The following NBPF9 variants were observed in gnomAD, a reference collection of about 807,000 sequenced individuals.
NBPF9 encodes the protein NBPF member 9.
NBPF9 carries 91 observed loss-of-function variants against 97.8 expected under a neutral mutation model. That is an observed-to-expected ratio of 0.93 (90% CI 0.79 to 1.11). NBPF9 has a LOEUF of 1.11. NBPF9 is among the 50% of genes least tolerant of loss of function. NBPF9 has a pLI of 0.00. For missense variants in NBPF9, 992 were observed against 939.5 expected (o/e 1.06, Z -0.73); for synonymous variants, 334 against 359.5 (o/e 0.93, Z 0.80).
At chr1:149,089,758 A>G (rs1553659647) in intron 5 of NBPF9, among the ~76,000 whole-genome samples, 2 of 152,430 alleles carry the variant, frequency 1.3e-5, no homozygotes, top group East Asian at 3.8e-4. Flanking sequence ...GTTGTATTAT[A>G]AAGGGCTAGT....
chr1:149,083,106 C>A (rs1447422566), intron 5 of NBPF9, among the ~76,000 whole-genome samples: 2 of 151,638 alleles, frequency 1.3e-5, no homozygotes, highest in Admixed American at 1.3e-4. Flanking sequence ...CCGCGCCCGG[C>A]CGACTTCTCT....
At chr1:149,084,296 C>T (rs1219098726) in intron 5 of NBPF9, among the ~76,000 whole-genome samples, 16 of 145,534 alleles carry the variant, frequency 1.1e-4, no homozygotes, top group Admixed American at 1.4e-4. Context: ...CACATATATA[C>T]ATGTATACAC....
downstream of NBPF9, among the ~76,000 whole-genome samples, chr1:149,053,356 T>TC (rs2078016703): frequency 1.5e-5 from 1 of 67,514 alleles, no homozygotes; most frequent in Non-Finnish European, 3.1e-5. Context: ...ACCATGTATG[T>TC]CCCCCAAGGA....
At chr1:149,103,185 AC>A (rs2082264486) in intron 1 of NBPF9, 115 bp downstream of exon 1, 1 of 96,024 alleles carries the variant, frequency 1.0e-5, no homozygotes, top group East Asian at 4.1e-4. Context: ...CCAACCCCCC[AC>A]CCCGCCTCGC....
chr1:149,082,313 G>T, exon 6 of NBPF9: 1 of 1,550,166 alleles, frequency 6.5e-7, no homozygotes, highest in Non-Finnish European at 8.7e-7. Flanking sequence ...CAGCACTTTA[G>T]GATCCTTCAC....
In NBPF9 at chr1:149,059,496, G is replaced by T; in HGVS notation, c.2585+204C>A. The T allele has an allele frequency of 5.0e-6, 2 of 399,496 alleles. 1 individual carries two copies. The highest frequency in any genetic ancestry group is 7.6e-5 in the East Asian group (2 of 26,194). 24.7% of individuals were successfully genotyped at this position (399,496 alleles called of 1,614,324 possible). On this transcript the variant is annotated intron_variant, in intron 25 of 29. Coordinates refer to ENST00000584027, the Ensembl canonical transcript of NBPF9. The stretch of plus-strand genomic sequence containing the variant: ...ATGAAAGTACAGCTTTTGAAGTATG[G>T]TCAACCTATGGTACGTTAGGAAATG...
chr1:149,071,419 A>T (rs1438121928), intron 15 of NBPF9, among the ~76,000 whole-genome samples, 185 bp downstream of exon 15: 3 of 148,272 alleles, frequency 2.0e-5, no homozygotes, highest in African/African-American at 7.6e-5. Flanking sequence ...TGCAGACATG[A>T]CACTCGGCAC....
At chr1:149,089,201 C>A (rs1575870044) in intron 5 of NBPF9, among the ~76,000 whole-genome samples, 1 of 152,184 alleles carries the variant, frequency 6.6e-6, no homozygotes, top group East Asian at 1.9e-4. Flanking sequence ...GCCACAGGAC[C>A]TTTACACGCA....
chr1:149,060,095 G>T, intron 24 of NBPF9: 1 of 275,820 alleles, frequency 3.6e-6, no homozygotes, highest in Admixed American at 6.1e-5. Context: ...TCAATTTAAA[G>T]CAAATACCCT....
rs1342794153 is a variant in NBPF9, at chr1:149,096,029, T to C, written c.-337+2409A>G. Among the ~76,000 whole-genome samples, 4 of 152,060 alleles carry C rather than the reference T, an allele frequency of 2.6e-5. No homozygotes were observed. In the South Asian group the frequency reaches 6.2e-4, roughly 24 times the overall value. On this transcript the variant is annotated intron_variant, in intron 4 of 29. Coordinates refer to ENST00000584027, the Ensembl canonical transcript of NBPF9. The stretch of plus-strand genomic sequence containing the variant: ...ATACAATGAAATCTGATTCAGTGAT[T>C]TTACAAAACAAGCTGTCAAGTCATG...
chr1:149,100,810 C>T (rs1345043049), intron 3 of NBPF9, among the ~76,000 whole-genome samples: 2 of 151,738 alleles, frequency 1.3e-5, no homozygotes, highest in Non-Finnish European at 2.9e-5. Context: ...TGGCACACTC[C>T]TATAGTCGCA....
chr1:149,062,205 T>A, exon 22 of NBPF9: 2 of 1,045,576 alleles, frequency 1.9e-6, no homozygotes, highest in Non-Finnish European at 3.0e-6. Flanking sequence ...TCGAATACCA[T>A]CTACCCAGTG....
At chr1:149,088,509 T>C (rs1309149470) in intron 5 of NBPF9, among the ~76,000 whole-genome samples, 7 of 152,210 alleles carry the variant, frequency 4.6e-5, no homozygotes, top group Non-Finnish European at 7.3e-5. Flanking sequence ...TCTTATGCCA[T>C]TTAATATAAT....
In NBPF9 at chr1:149,081,732, T is replaced by C. The variant is rs1264411635; in HGVS notation, c.175+233A>G. Among the ~76,000 whole-genome samples the C allele has an allele frequency of 2.2e-5, 3 of 136,230 alleles. No homozygotes were observed. The Admixed American group carries it at 2.3e-4, about 10-fold the overall frequency. The allele number at this position is 136,230 out of a possible 152,430, so 89.4% of individuals were successfully genotyped here. On this transcript the variant is annotated intron_variant, in intron 7 of 29. Transcript: ENST00000584027. ...GTTCTGTGCCTGTGTTAGAAATCAA[T>C]AACTGTGAGTTTAACTCTAGTCCCA...
chr1:149,073,193 C>T (rs1345679057), intron 13 of NBPF9, among the ~76,000 whole-genome samples: 4 of 148,534 alleles, frequency 2.7e-5, no homozygotes, highest in Admixed American at 6.8e-5. Flanking sequence ...AGGTGTTTTC[C>T]TAATTCCATT....
chr1:149,062,164 A>C lies in NBPF9; in HGVS notation c.2180T>G (p.Leu727Ter), dbSNP rs782351537. 30 of 905,540 alleles carry C rather than the reference A, an allele frequency of 3.3e-5. No individual in the cohort carries two copies. In the African/African-American group the frequency reaches 4.2e-4, roughly 13 times the overall value. 56.1% of individuals were successfully genotyped at this position (905,540 alleles called of 1,614,324 possible). A position where few individuals can be genotyped will look rare whatever the true frequency, so the allele number is the denominator to read the frequency against. The change falls in exon 22 of 30, where the codon TTA becomes TGA. Residue 727 changes from leucine (L) to a stop codon, truncating the protein, a stop_gained. Transcript: ENST00000584027. LOFTEE classifies it high-confidence loss of function. ...AACAGCACTGCTGTAGGGCTGGCCT[A>C]AGTCAGGCAGTTCAAGATAACCTGA...
At position 149,077,884 on chromosome 1, in the gene NBPF9, TG is replaced by T. The variant is rs1559532243; in HGVS notation, c.564del (p.Arg189GlyfsTer54). The T allele has an allele frequency of 2.6e-6, 4 of 1,567,056 alleles. No individual in the cohort carries two copies. The highest frequency in any genetic ancestry group is 2.7e-5 in the African/African-American group (2 of 74,052). On this transcript the variant is annotated frameshift_variant and splice_region_variant, in exon 10 of 30. Transcript: ENST00000584027. LOFTEE classifies it high-confidence loss of function. ...TTGCTCCTGAGTATTCAGTGTTACC[TG>T]GGGGCAGATGATTCCAGTACTTTCT...
In NBPF9 at chr1:149,082,191, C is replaced by T; in HGVS notation, c.-35-17G>A. On this transcript the variant is annotated splice_polypyrimidine_tract_variant and intron_variant, in intron 6 of 29. Coordinates refer to ENST00000584027, the Ensembl canonical transcript of NBPF9. ...GGCCAGGGACTGGGGAGAAGAAACC[C>T]AAACATATGATGGGTTAAAAACTGG... 1 of 1,608,886 alleles carries T rather than the reference C, an allele frequency of 6.2e-7. No individual in the cohort carries two copies.
At chr1:149,081,097 A>G (rs1201631872) in intron 7 of NBPF9, among the ~76,000 whole-genome samples, 7 of 151,938 alleles carry the variant, frequency 4.6e-5, no homozygotes, top group African/African-American at 1.7e-4. Flanking sequence ...ACTCTCTTTT[A>G]TTTTTATTTT....
Sources: gnomAD v4.1 joint callset for allele counts (sites outside exome capture counted in the v4.1 genomes callset) on GRCh38, gnomAD v4.1.1 for gene constraint, MANE v1.5 for transcripts, NCBI Gene and HGNC (gene_info 2026-07-23, HGNC 2026-07-21) for gene names.